Variants in KCNIP1 observed in about 807,000 individuals in gnomAD.
KCNIP1 encodes A-type potassium channel modulatory protein KCNIP1.
KCNIP1 carries 18 observed loss-of-function variants against 33.0 expected under a neutral mutation model. That is an observed-to-expected ratio of 0.55 (90% CI 0.38 to 0.81). The LOEUF (loss-of-function observed/expected upper bound fraction) is 0.81, where lower values mean the gene tolerates loss of function less well. KCNIP1 is among the 30% of genes least tolerant of loss of function. The pLI is 0.00. For synonymous variants in KCNIP1, 93 were observed against 98.3 expected (o/e 0.95, Z 0.32); for missense variants, 238 against 271.6 (o/e 0.88, Z 0.87).
At chr5:170,597,115 G>A (rs1178247003) in intron 1 of KCNIP1, among the ~76,000 whole-genome samples, 3 of 152,336 alleles carry the variant, frequency 2.0e-5, no homozygotes, top group South Asian at 2.1e-4. Flanking sequence ...TCCGAGCTCT[G>A]AACCACTGGT....
At chr5:170,729,632 C>T (rs935075470) in intron 5 of KCNIP1, among the ~76,000 whole-genome samples, 7 of 151,956 alleles carry the variant, frequency 4.6e-5, no homozygotes, top group African/African-American at 1.7e-4. Flanking sequence ...ATAGTCAATA[C>T]ATATATTAGA....
At chr5:170,694,641 A>G (rs779245354) in intron 1 of KCNIP1, among the ~76,000 whole-genome samples, 1 of 152,180 alleles carries the variant, frequency 6.6e-6, no homozygotes, top group Non-Finnish European at 1.5e-5. Flanking sequence ...AATCTTCCTG[A>G]GATTGGTTAT....
rs372334837 is a variant in KCNIP1 at position 170,472,331 on chromosome 5, G to C, written c.88+118367G>C. 2.3e-4 allele frequency among the ~76,000 whole-genome samples: 35 copies of C among 152,330 alleles called. No homozygotes were observed. In the East Asian group the frequency reaches 4.6e-3, roughly 20 times the overall value. On this transcript the variant is annotated intron_variant, in intron 1 of 7. Transcript: ENST00000377360. ...ACTGCAAGGGTGGATTGACGCTGGGGCGGCGCCTGCCCCACAGTCCTGTAG... is the reference window on the plus strand; with the variant it reads ...ACTGCAAGGGTGGATTGACGCTGGGCCGGCGCCTGCCCCACAGTCCTGTAG...
At chr5:170,380,456 G>T (rs538274185) in intron 1 of KCNIP1, among the ~76,000 whole-genome samples, 1 of 152,176 alleles carries the variant, frequency 6.6e-6, no homozygotes, top group Non-Finnish European at 1.5e-5. Flanking sequence ...TGCAGGCCTC[G>T]GCCACTCCCT....
At position 170,390,517 on chromosome 5, in the gene KCNIP1, A is replaced by AAAAAAAAAAAAAAAAAAATATATATATAT; in HGVS notation, c.88+36554_88+36555insAAAAAAAAAAAAAAAAATATATATATATA. 1.6e-4 allele frequency among the ~76,000 whole-genome samples: 12 copies of AAAAAAAAAAAAAAAAAAATATATATATAT among 74,524 alleles called. 2 individuals carry two copies. The East Asian group carries it at 2.5e-3, about 15-fold the overall frequency. The allele number at this position is 74,524 out of a possible 152,430, so 48.9% of individuals were successfully genotyped here. ...GACCCCGTCTCAAAAAAAAAAAACA[A>AAAAAAAAAAAAAAAAAAATATATATATAT]ATATATATATATATATATATATTTT... On this transcript the variant is annotated intron_variant, in intron 1 of 7. Coordinates refer to the KCNIP1 transcript ENST00000377360.
intron 1 of KCNIP1, chr5:170,378,637 G>A (rs1764103800): frequency 2.0e-6 from 3 of 1,501,128 alleles, no homozygotes; most frequent in East Asian, 2.3e-5. Flanking sequence ...CTGCAAGTGG[G>A]GAGCAGCCCT....
chr5:170,471,937 C>T (rs545962839), intron 1 of KCNIP1, among the ~76,000 whole-genome samples: 223 of 152,284 alleles, frequency 1.5e-3, no homozygotes, highest in Admixed American at 3.1e-3. Flanking sequence ...CGTCAGAGGC[C>T]TCCTGGCAGC....
At chr5:170,560,734 T>C (rs1757007743) in intron 1 of KCNIP1, among the ~76,000 whole-genome samples, 1 of 152,122 alleles carries the variant, frequency 6.6e-6, no homozygotes, top group South Asian at 2.1e-4. Flanking sequence ...CCTCTATGTA[T>C]GTTTGTGTCT....
intron 1 of KCNIP1, among the ~76,000 whole-genome samples, chr5:170,555,517 A>G (rs923992626): frequency 2.0e-5 from 3 of 152,200 alleles, no homozygotes; most frequent in Non-Finnish European, 4.4e-5. Context: ...TGGCCTCAGA[A>G]TTCCGACCAA....
chr5:170,489,074 G>C lies in KCNIP1; in HGVS notation c.88+135110G>C, dbSNP rs141647060. On this transcript the variant is annotated intron_variant, in intron 1 of 7. Transcript: ENST00000377360. The surrounding 1 kb of genome is among the most constrained non-coding windows in gnomAD (Gnocchi z 4.3). The stretch of plus-strand genomic sequence containing the variant: ...AGATTTCATTAGTGTTAGAGAGGAA[G>C]GATGTGCCTTCTCCCCCGGAGGCCA... Among the ~76,000 whole-genome samples, 32 of 152,316 alleles carry C rather than the reference G, an allele frequency of 2.1e-4. 1 individual carries two copies. The East Asian group carries it at 6.2e-3, about 29-fold the overall frequency.
chr5:170,592,670 A>T (rs1024289827), intron 1 of KCNIP1, among the ~76,000 whole-genome samples: 2 of 152,226 alleles, frequency 1.3e-5, no homozygotes, highest in Non-Finnish European at 2.9e-5. Flanking sequence ...TGCAAGCTCA[A>T]GGCCACACCT....
At chr5:170,382,940 C>CAAGGAAGGAAGG (rs60329523) in intron 1 of KCNIP1, 55 of 131,156 alleles carry the variant, frequency 4.2e-4, no homozygotes, top group African/African-American at 1.4e-3. Flanking sequence ...AAGAAGGAAA[C>CAAGGAAGGAAGG]AAGGAAGGAA....
At chr5:170,478,340 G>A (rs1217975522) in intron 1 of KCNIP1, among the ~76,000 whole-genome samples, 1 of 152,236 alleles carries the variant, frequency 6.6e-6, no homozygotes, top group African/African-American at 2.4e-5. Context: ...AAGGATGCAT[G>A]TTCCTTTAAT....
chr5:170,598,012 AC>A (rs1758527580), intron 1 of KCNIP1, among the ~76,000 whole-genome samples: 1 of 152,122 alleles, frequency 6.6e-6, no homozygotes, highest in Non-Finnish European at 1.5e-5. Context: ...GCCCTGTGCT[AC>A]TGAACTCTGT....
chr5:170,540,010 G>A (rs766136934), intron 1 of KCNIP1, among the ~76,000 whole-genome samples: 5 of 152,258 alleles, frequency 3.3e-5, no homozygotes, highest in Non-Finnish European at 7.3e-5. Context: ...ATAAAGGAAC[G>A]ATCTTTCAAC....
intron 1 of KCNIP1, among the ~76,000 whole-genome samples, chr5:170,363,077 C>T (rs2113291195): frequency 6.6e-6 from 1 of 152,310 alleles, no homozygotes; most frequent in African/African-American, 2.4e-5. Context: ...TGAGTGCTAC[C>T]TATTTTCTGG....
chr5:170,607,650 C>G (rs17072772), intron 1 of KCNIP1, among the ~76,000 whole-genome samples: 2,272 of 152,322 alleles, frequency 0.015, 73 homozygotes, highest in African/African-American at 0.053. Context: ...AAGGGTTCAT[C>G]CCTGCCTCCT....
At chr5:170,675,516 G>A (rs1762099581) in intron 1 of KCNIP1, among the ~76,000 whole-genome samples, 1 of 152,070 alleles carries the variant, frequency 6.6e-6, no homozygotes, top group Non-Finnish European at 1.5e-5. Context: ...AGCTACTCAG[G>A]AGGCTGAGGC....
intron 1 of KCNIP1, among the ~76,000 whole-genome samples, chr5:170,510,630 A>G (rs1260450025): frequency 2.0e-5 from 3 of 152,194 alleles, no homozygotes; most frequent in Admixed American, 2.0e-4. Flanking sequence ...TATTTTAAAT[A>G]GGTCACCTTC....
Sources: allele counts gnomAD v4.1 joint callset (sites outside exome capture counted in the v4.1 genomes callset), GRCh38; gene constraint gnomAD v4.1.1; non-coding constraint Gnocchi (gnomAD v3.1); transcripts MANE v1.5; gene names NCBI Gene and HGNC (gene_info 2026-07-23, HGNC 2026-07-21).